CLASRP: variants seen among roughly 807,000 people sequenced by gnomAD.
The protein encoded by CLASRP is CLK4 associating serine/arginine rich protein, also known as CLK4-associating serine/arginine rich protein.
CLASRP carries 52 observed loss-of-function variants against 99.9 expected under a neutral mutation model. The ratio of observed to expected loss-of-function variants is 0.52; its 90% CI spans 0.42 to 0.66. CLASRP has a LOEUF of 0.66. CLASRP is among the 30% of genes least tolerant of loss of function. The probability of loss-of-function intolerance (pLI) is 0.00; values close to 1 mark genes in which losing one functional copy is unlikely to be tolerated. For synonymous variants in CLASRP, 379 were observed against 373.0 expected (o/e 1.02, Z -0.18); for missense variants, 848 against 999.2 (o/e 0.85, Z 2.04).
intron 2 of CLASRP, among the ~76,000 whole-genome samples, chr19:45,042,228 C>T (rs1193204755): frequency 1.3e-5 from 2 of 152,096 alleles, no homozygotes; most frequent in Non-Finnish European, 2.9e-5. Context: ...GGCTTTCTCT[C>T]AAGGGCACTT....
chr19:45,068,391 C>T (rs576901085), intron 15 of CLASRP, 29 bp from the exon 16 acceptor site: 5 of 1,331,930 alleles, frequency 3.8e-6, no homozygotes, highest in South Asian at 2.3e-5. Flanking sequence ...CACCCACCCC[C>T]TCTCCCGCCT....
intron 5 of CLASRP, among the ~76,000 whole-genome samples, 190 bp from the exon 6 acceptor site, chr19:45,056,260 G>C (rs75345982): frequency 4.8e-3 from 730 of 152,346 alleles, no homozygotes; most frequent in Non-Finnish European, 8.1e-3. Flanking sequence ...GACCAAGGTC[G>C]TGTGTCCAAG....
intron 11 of CLASRP, among the ~76,000 whole-genome samples, chr19:45,063,164 CGTTT>C (rs1568419494): frequency 6.6e-6 from 1 of 151,516 alleles, no homozygotes; most frequent in African/African-American, 2.4e-5. Context: ...TTAAAAAACA[CGTTT>C]GTTTTTTTTT....
chr19:45,067,403 C>G lies in CLASRP; in HGVS notation c.1476C>G (p.Ser492Arg). ...GGRGLRHHSS[S>R]RSRSSWSLSP... is the part of the protein sequence containing the mutation. ...GGGGCCTCAGGCACCACAGCAGTAGCCGCAGCCGCAGCAGCTGGTCCCTCA... is the reference window on the plus strand; with the variant it reads ...GGGGCCTCAGGCACCACAGCAGTAGGCGCAGCCGCAGCAGCTGGTCCCTCA... Residue 492 changes from serine (S) to arginine (R), a missense_variant, in exon 14 of 21, where the codon AGC becomes AGG. Ser to Arg is a moderately radical substitution (Grantham distance 110). Coordinates refer to ENST00000221455, the MANE Select transcript of CLASRP (RefSeq NM_007056.3). This position sits in a 1 kb window ranked among gnomAD's most constrained non-coding sequence, Gnocchi z 4.9. The G allele has an allele frequency of 6.5e-7, 1 of 1,533,624 alleles. No homozygotes were observed. Among genetic ancestry groups the G allele is most frequent in the Non-Finnish European group, 8.7e-7 (1 of 1,143,802 alleles).
In CLASRP at chr19:45,070,071, A is replaced by T; in HGVS notation, c.1924A>T (p.Ser642Cys). Residue 642 changes from serine to cysteine, a missense_variant, in exon 19 of 21, where the codon AGC becomes TGC. Ser to Cys is a moderately radical substitution (Grantham distance 112, BLOSUM62 -1). Coordinates refer to ENST00000221455, the MANE Select transcript of CLASRP (RefSeq NM_007056.3). ...KEREEWERQY[S>C]RQSRSPSPRY... ...GAGAGAAGAGTGGGAACGCCAGTAC[A>T]GCCGGCAGAGCCGCTCACCCTCCCC... 1 of 1,607,892 alleles carries T rather than the reference A, an allele frequency of 6.2e-7. No individual in the cohort carries two copies. The highest frequency in any genetic ancestry group is 8.5e-7 in the Non-Finnish European group (1 of 1,174,370).
intron 2 of CLASRP, among the ~76,000 whole-genome samples, chr19:45,048,308 G>A (rs904797764): frequency 1.4e-4 from 21 of 150,122 alleles, no homozygotes; most frequent in African/African-American, 4.7e-4. Flanking sequence ...AGGCCGAGGC[G>A]GGTGGATCAC....
intron 2 of CLASRP, among the ~76,000 whole-genome samples, chr19:45,047,068 T>C (rs1443497024): frequency 6.6e-6 from 1 of 152,106 alleles, no homozygotes; most frequent in Non-Finnish European, 1.5e-5. Flanking sequence ...GAGGTACTTA[T>C]ACACTTATGT....
At chr19:45,068,089 C>A in intron 15 of CLASRP, 35 bp downstream of exon 15, 1 of 1,607,652 alleles carries the variant, frequency 6.2e-7, no homozygotes, top group Non-Finnish European at 8.5e-7. Context: ...CGTCTAATTC[C>A]CGTCAGCAGC....
chr19:45,044,549 A>T (rs1971879281), intron 2 of CLASRP, among the ~76,000 whole-genome samples: 1 of 152,190 alleles, frequency 6.6e-6, no homozygotes, highest in South Asian at 2.1e-4. Context: ...GCGCCTTATC[A>T]TGCAGAAATA....
At chr19:45,048,972 C>T (rs753234721) in intron 2 of CLASRP, among the ~76,000 whole-genome samples, 9 of 152,066 alleles carry the variant, frequency 5.9e-5, no homozygotes, top group South Asian at 2.1e-4. Context: ...GGTGACAGAG[C>T]GAGACTCTGT....
intron 2 of CLASRP, among the ~76,000 whole-genome samples, chr19:45,043,986 A>G (rs1489094259): frequency 1.3e-5 from 2 of 152,052 alleles, no homozygotes; most frequent in African/African-American, 2.4e-5. Flanking sequence ...GGTTCAAGCA[A>G]TTCTCCTGCC....
rs757043345 is a variant in CLASRP at position 45,067,456 on chromosome 19, G to A, written c.1529G>A (p.Arg510His). The part of the protein sequence containing the change: ...LSPSRSRSLT[R>H]SRSHSPSPSQ... ...CCGTCCCGCAGTCGCAGCCTGACTC[G>A]CAGCCGCAGCCATAGCCCCAGCCCC... Residue 510 changes from arginine (R) to histidine (H), a missense_variant, in exon 14 of 21, where the codon CGC (arginine) becomes CAC (histidine). By Grantham distance (29) the Arg-to-His change is conservative (BLOSUM62 0). Around this residue, in one of 8 missense-constraint regions of CLASRP, gnomAD observed 489 missense variants for 434.7 expected, o/e 1.12. Transcript: ENST00000221455. The surrounding 1 kb of genome is among the most constrained non-coding windows in gnomAD (Gnocchi z 4.9). The A allele has an allele frequency of 2.7e-5, 42 of 1,547,444 alleles. No individual in the cohort carries two copies. In the East Asian group the frequency reaches 7.5e-4, roughly 28 times the overall value.
chr19:45,061,343 C>A (rs1011601270), intron 10 of CLASRP, among the ~76,000 whole-genome samples: 1 of 152,192 alleles, frequency 6.6e-6, no homozygotes, highest in Non-Finnish European at 1.5e-5. Context: ...AGTGCAGGAA[C>A]GCCCAGGCTG....
In CLASRP at chr19:45,060,520, C is replaced by T. The variant is rs1600107988; in HGVS notation, c.790-34C>T. The T allele has an allele frequency of 6.2e-7, 1 of 1,612,652 alleles. No homozygotes were observed. Among genetic ancestry groups the T allele is most frequent in the Non-Finnish European group, 8.5e-7 (1 of 1,178,806 alleles). On this transcript the variant is annotated intron_variant, in intron 9 of 20. Transcript: ENST00000221455. This position sits in a 1 kb window ranked among gnomAD's most constrained non-coding sequence, Gnocchi z 4.6. ...ACAGGGGTGTGTCACAGGGAGGGCA[C>T]CCCCTCACCAACCTGGCACCCACCC...
Position 45,041,148 on chromosome 19 carries a change from G to A in CLASRP, c.99+837G>A, listed in dbSNP as rs941818931. On this transcript the variant is annotated intron_variant, in intron 2 of 20. Transcript: ENST00000221455. ...AGGCAGGAGAATGGTGTGAACCGGG[G>A]AGGGGGGCAGAGCGGAGCCTGCAGT... 1.1e-4 allele frequency among the ~76,000 whole-genome samples: 16 copies of A among 151,570 alleles called. 1 individual carries two copies. The highest frequency in any genetic ancestry group is 7.4e-5 in the Non-Finnish European group (5 of 67,920).
rs772935482 is a variant in CLASRP at position 45,064,467 on chromosome 19, C to G, written c.1246C>G (p.Arg416Gly). Residue 416 changes from arginine (R) to glycine (G), a missense_variant, in exon 13 of 21, where the codon CGC becomes GGC. Arg to Gly is a moderately radical substitution (Grantham distance 125, BLOSUM62 -2). This residue lies in a region of CLASRP where 489 missense variants were observed against 434.7 expected (regional missense o/e 1.12). Transcript: ENST00000221455. Reference protein sequence around the residue: ...GGYYRSGRHARSRSRSWSRSR... With the variant: ...GGYYRSGRHAGSRSRSWSRSR... ...CTACTACCGTTCCGGCCGCCACGCC[C>G]GCTCCCGGTCCCGCTCCTGGTCCCG... is the stretch of plus-strand genomic sequence containing the variant. The G allele has an allele frequency of 6.5e-7, 1 of 1,530,350 alleles. No individual in the cohort carries two copies. The highest frequency in any genetic ancestry group is 8.8e-7 in the Non-Finnish European group (1 of 1,141,210). 94.8% of individuals were successfully genotyped at this position (1,530,350 alleles called of 1,614,324 possible). A position where few individuals can be genotyped will look rare whatever the true frequency, so the allele number is the denominator to read the frequency against.
Position 45,069,115 on chromosome 19 carries a change from T to C in CLASRP, c.1818T>C (p.His606=), listed in dbSNP as rs150429668. 1 of 1,613,854 alleles carries C rather than the reference T, an allele frequency of 6.2e-7. No homozygotes were observed. The highest frequency in any genetic ancestry group is 8.5e-7 in the Non-Finnish European group (1 of 1,180,000). ...AAQEKMIQQE[H]ERQEREDELR... ...AAGAAAAGATGATCCAGCAGGAGCA[T>C]GAGCGGCAGGTGAAGTGGGAAAGGG... Residue 606 remains histidine (H), a synonymous_variant, in exon 17 of 21, where the codon CAT becomes CAC. Transcript: ENST00000221455.
At position 45,060,284 on chromosome 19, in the gene CLASRP, C is replaced by A; in HGVS notation, c.711-105C>A. On this transcript the variant is annotated intron_variant, in intron 8 of 20. Coordinates refer to ENST00000221455, the MANE Select transcript of CLASRP (RefSeq NM_007056.3). The surrounding 1 kb of genome is among the most constrained non-coding windows in gnomAD (Gnocchi z 4.6). Reference sequence around the variant, plus strand: ...TTGAATGAAAGATACCTCAGGCTGGCGTGGGGTGACTCAGGTCCCTCACTT... The same window carrying A: ...TTGAATGAAAGATACCTCAGGCTGGAGTGGGGTGACTCAGGTCCCTCACTT... 1.1e-6 allele frequency: 1 copy of A among 943,100 alleles called. No individual in the cohort carries two copies. 58.4% of individuals were successfully genotyped at this position (943,100 alleles called of 1,614,324 possible).
chr19:45,064,743 A>G, intron 13 of CLASRP, 113 bp downstream of exon 13: 1 of 1,436,820 alleles, frequency 7.0e-7, no homozygotes, highest in Admixed American at 2.7e-5. Flanking sequence ...AGAACACCCC[A>G]TCTAAGGGGA....
Sources: gnomAD v4.1 joint callset for allele counts (sites outside exome capture counted in the v4.1 genomes callset) on GRCh38, gnomAD v4.1.1 for gene constraint, gnomAD v4.1.1 regional missense constraint, Gnocchi (gnomAD v3.1) non-coding constraint, MANE v1.5 for transcripts, NCBI Gene and HGNC (gene_info 2026-07-23, HGNC 2026-07-21) for gene names.